Variants in ZNF143 observed in about 807,000 individuals in gnomAD.
ZNF143 encodes the protein zinc finger protein 143.
ZNF143 carries 49 observed loss-of-function variants against 74.1 expected under a neutral mutation model. The ratio of observed to expected loss-of-function variants is 0.66; its 90% CI spans 0.53 to 0.84. The LOEUF (loss-of-function observed/expected upper bound fraction) is 0.84, where lower values mean the gene tolerates loss of function less well. Among genes scored for constraint, ZNF143 ranks in the 40% least tolerant of loss-of-function variants. The probability of loss-of-function intolerance (pLI) is 0.00; values close to 1 mark genes in which losing one functional copy is unlikely to be tolerated. For missense variants in ZNF143, 637 were observed against 793.4 expected (o/e 0.80, Z 2.37); for synonymous variants, 304 against 282.8 (o/e 1.07, Z -0.75).
At chr11:9,516,107 G>A (rs1848713026) in intron 13 of ZNF143, 94 bp from the exon 14 acceptor site, 1 of 1,193,870 alleles carries the variant, frequency 8.4e-7, no homozygotes. Flanking sequence ...CATCCACAGG[G>A]CAAACTTATA....
intron 7 of ZNF143, among the ~76,000 whole-genome samples, chr11:9,486,363 T>TTATATATAATATATTATATATATAA: frequency 2.4e-5 from 1 of 41,246 alleles, no homozygotes; most frequent in African/African-American, 1.1e-4. Context: ...TATATATATA[T>TTATATATAATATATTATATATATAA]TATATATAAT....
chr11:9,501,179 A>G lies in ZNF143; in HGVS notation c.1056A>G (p.Thr352=). Reference sequence around the variant, plus strand: ...GAAAAGTGCACGTTAGGACACACACAGGAGAAAGACCTTATTACTGCACAG... The same window carrying G: ...GAAAAGTGCACGTTAGGACACACACGGGAGAAAGACCTTATTACTGCACAG... ...NIRKVHVRTH[T]GERPYYCTEP... is the part of the protein sequence containing the mutation. Residue 352 remains threonine (T), a synonymous_variant, in exon 11 of 16, where the codon ACA becomes ACG. Coordinates refer to ENST00000396602, the MANE Select transcript of ZNF143 (RefSeq NM_003442.6). 1.2e-6 allele frequency: 2 copies of G among 1,614,212 alleles called. No individual in the cohort carries two copies. The highest frequency in any genetic ancestry group is 1.7e-6 in the Non-Finnish European group (2 of 1,180,046).
chr11:9,492,584 C>T (rs1444657536), intron 7 of ZNF143, among the ~76,000 whole-genome samples: 2 of 152,150 alleles, frequency 1.3e-5, no homozygotes, highest in Non-Finnish European at 2.9e-5. Flanking sequence ...TTAGAGTGTA[C>T]AGCTGAGTGG....
chr11:9,504,874 C>A (rs1378252864), intron 11 of ZNF143, among the ~76,000 whole-genome samples: 1 of 120,492 alleles, frequency 8.3e-6, no homozygotes. Context: ...GGGATTTCAC[C>A]ATGTTGGCCA....
intron 7 of ZNF143, among the ~76,000 whole-genome samples, chr11:9,493,700 T>C (rs1847862706): frequency 6.6e-6 from 1 of 152,208 alleles, no homozygotes; most frequent in Non-Finnish European, 1.5e-5. Flanking sequence ...ATATGCCATG[T>C]GTGACAGTCT....
At chr11:9,471,484 T>C in intron 2 of ZNF143, 64 bp downstream of exon 2, 1 of 1,199,816 alleles carries the variant, frequency 8.3e-7, no homozygotes, top group South Asian at 1.6e-5. Flanking sequence ...AAAAAAAATT[T>C]ACAACTTCCT....
At chr11:9,498,120 G>A (rs762450967) in intron 10 of ZNF143, among the ~76,000 whole-genome samples, 9 of 152,326 alleles carry the variant, frequency 5.9e-5, no homozygotes, top group East Asian at 1.9e-4. Flanking sequence ...GTGAGCCACC[G>A]CGCCCGGCCT....
intron 3 of ZNF143, 145 bp downstream of exon 3, chr11:9,472,914 CTT>C (rs35668857): frequency 0.016 from 5,093 of 319,398 alleles, no homozygotes; most frequent in East Asian, 0.022. Context: ...CAGTTTAATT[CTT>C]TTTTTTTTTT....
chr11:9,524,780 A>G (rs1849065382), intron 14 of ZNF143, among the ~76,000 whole-genome samples: 1 of 152,142 alleles, frequency 6.6e-6, no homozygotes, highest in Non-Finnish European at 1.5e-5. Context: ...CAGTAGTACC[A>G]CTGGTCCTTT....
intron 14 of ZNF143, among the ~76,000 whole-genome samples, chr11:9,518,430 A>G (rs1025162089): frequency 1.3e-5 from 2 of 152,238 alleles, no homozygotes; most frequent in African/African-American, 4.8e-5. Context: ...AAGAAAATGC[A>G]GGCTGGGTGC....
At chr11:9,493,285 TGGTCTC>T (rs1378545333) in intron 7 of ZNF143, among the ~76,000 whole-genome samples, 34 of 152,196 alleles carry the variant, frequency 2.2e-4, no homozygotes, top group African/African-American at 7.7e-4. Context: ...TTAGCCAGGA[TGGTCTC>T]GATCTCTTGA....
In ZNF143 at chr11:9,471,476, A is replaced by G. The variant is rs1280418527; in HGVS notation, c.112+56A>G. 2.1e-5 allele frequency: 29 copies of G among 1,357,320 alleles called. No individual in the cohort carries two copies. In the East Asian group the frequency reaches 3.0e-4, roughly 14 times the overall value. The allele number at this position is 1,357,320 out of a possible 1,614,324, so 84.1% of individuals were successfully genotyped here. On this transcript the variant is annotated intron_variant, in intron 2 of 15. Transcript: ENST00000396602. ...GAAAATATCATTTATCTTAAAAGAAAAAAAATTTACAACTTCCTAGTTCCT... is the reference window on the plus strand; with the variant it reads ...GAAAATATCATTTATCTTAAAAGAAGAAAAATTTACAACTTCCTAGTTCCT...
chr11:9,498,920 G>A (rs540313914), intron 10 of ZNF143, among the ~76,000 whole-genome samples: 2 of 152,222 alleles, frequency 1.3e-5, no homozygotes, highest in East Asian at 3.9e-4. Context: ...CAACATTGAG[G>A]AACAGAGCTG....
chr11:9,485,927 C>A (rs1847455376), intron 7 of ZNF143, among the ~76,000 whole-genome samples: 1 of 151,176 alleles, frequency 6.6e-6, no homozygotes, highest in Admixed American at 6.6e-5. Flanking sequence ...TATCCTCAAC[C>A]CTACTGAGTC....
chr11:9,510,833 G>A (rs961172975), intron 12 of ZNF143, among the ~76,000 whole-genome samples: 4 of 152,146 alleles, frequency 2.6e-5, no homozygotes, highest in Non-Finnish European at 1.5e-5. Context: ...AGTAGTAATG[G>A]ATTGTTGAAA....
chr11:9,466,046 G>A (rs191031835), intron 1 of ZNF143, among the ~76,000 whole-genome samples: 1 of 151,360 alleles, frequency 6.6e-6, no homozygotes, highest in Admixed American at 6.6e-5. Flanking sequence ...GCAGTGGCTA[G>A]ATCTCGGCTC....
intron 7 of ZNF143, among the ~76,000 whole-genome samples, chr11:9,489,578 C>T (rs999628158): frequency 1.8e-4 from 27 of 152,052 alleles, no homozygotes; most frequent in African/African-American, 6.0e-4. Flanking sequence ...ATACCAGAAT[C>T]GAAGCTCCTA....
chr11:9,496,195 C>T, intron 8 of ZNF143, 108 bp from the exon 9 acceptor site: 1 of 897,846 alleles, frequency 1.1e-6, no homozygotes, highest in Non-Finnish European at 1.8e-6. Context: ...AAGAAAAAAG[C>T]ATACAACAAA....
At chr11:9,467,600 C>T (rs991100298) in intron 1 of ZNF143, among the ~76,000 whole-genome samples, 10 of 151,966 alleles carry the variant, frequency 6.6e-5, no homozygotes, top group African/African-American at 2.4e-4. Flanking sequence ...TTAATCCCAG[C>T]ACTTTGGGAA....
Sources: gnomAD v4.1 joint callset for allele counts (sites outside exome capture counted in the v4.1 genomes callset) on GRCh38, gnomAD v4.1.1 for gene constraint, MANE v1.5 for transcripts, NCBI Gene and HGNC (gene_info 2026-07-23, HGNC 2026-07-21) for gene names.